Variants in AFF1 observed in about 807,000 individuals in gnomAD.
The protein encoded by AFF1 is ALF transcription elongation factor 1, also known as AF4/FMR2 family member 1.
Under a neutral mutation model 121.7 loss-of-function variants are expected in AFF1, and 48 were observed. That is an observed-to-expected ratio of 0.39 (90% confidence interval 0.31 to 0.50). AFF1 has a LOEUF of 0.50. Among genes scored for constraint, AFF1 ranks in the 20% least tolerant of loss-of-function variants. The pLI, the probability that AFF1 is intolerant of heterozygous loss-of-function variation, is 0.76. For missense variants in AFF1, 1,523 were observed against 1,511.7 expected, an observed-to-expected ratio of 1.01 and a Z score of -0.12; for synonymous variants, 613 against 563.0, an observed-to-expected ratio of 1.09 and a Z score of -1.26.
chr4:87,015,406 A>G (rs898453511), intron 2 of AFF1, among the ~76,000 whole-genome samples: 5 of 152,266 alleles, frequency 3.3e-5, no homozygotes, highest in Admixed American at 6.5e-5. Flanking sequence ...ACCTTAATAC[A>G]TAATTGAGGT....
At chr4:87,062,758 G>C (rs1720911424) in intron 4 of AFF1, among the ~76,000 whole-genome samples, 1 of 152,096 alleles carries the variant, frequency 6.6e-6, no homozygotes, top group African/African-American at 2.4e-5. Context: ...CATGTGTTCT[G>C]TAGGGTACAG....
chr4:86,967,160 G>A (rs1382230184), intron 2 of AFF1, among the ~76,000 whole-genome samples: 1 of 152,174 alleles, frequency 6.6e-6, no homozygotes, highest in Non-Finnish European at 1.5e-5. Context: ...TAGTACCTCA[G>A]CATAGATTTG....
intron 5 of AFF1, among the ~76,000 whole-genome samples, chr4:87,086,880 G>A (rs1723792050): frequency 6.6e-6 from 1 of 152,210 alleles, no homozygotes; most frequent in Non-Finnish European, 1.5e-5. Context: ...AATCATAGAA[G>A]ATAATGTTTG....
intron 1 of AFF1, among the ~76,000 whole-genome samples, chr4:86,945,025 T>C (rs546492731): frequency 3.9e-5 from 6 of 152,362 alleles, no homozygotes; most frequent in Admixed American, 3.9e-4. Flanking sequence ...ATTCCTGCCA[T>C]GGAACATTCC....
At chr4:86,987,835 C>T (rs1289948114) in intron 2 of AFF1, among the ~76,000 whole-genome samples, 1 of 151,850 alleles carries the variant, frequency 6.6e-6, no homozygotes, top group Non-Finnish European at 1.5e-5. Flanking sequence ...CGCTCGTAGT[C>T]CCAGGTACTC....
chr4:86,944,710 T>C (rs1720727447), intron 1 of AFF1, among the ~76,000 whole-genome samples: 1 of 152,136 alleles, frequency 6.6e-6, no homozygotes, highest in African/African-American at 2.4e-5. Context: ...GAGAGTAGGT[T>C]CCCCAGAGTG....
chr4:87,105,526 CCT>C lies in AFF1; in HGVS notation c.1284-95_1284-94del, dbSNP rs1039951078. 14 of 1,291,908 alleles carry C rather than the reference CCT, an allele frequency of 1.1e-5. No homozygotes were observed. In the East Asian group the frequency reaches 1.6e-4, roughly 15 times the overall value. The allele number at this position is 1,291,908 out of a possible 1,614,324, so 80.0% of individuals were successfully genotyped here. A position where few individuals can be genotyped will look rare whatever the true frequency, so the allele number is the denominator to read the frequency against. ...ATAAATAAAGAAAACTTACACATATCCTCTCTCTTTGTTTAATTAGGCATATT... is the reference window on the plus strand; with the variant it reads ...ATAAATAAAGAAAACTTACACATATCCTCTCTTTGTTTAATTAGGCATATT... On this transcript the variant is annotated intron_variant, in intron 8 of 20. Coordinates refer to ENST00000395146, the MANE Select transcript of AFF1 (RefSeq NM_001166693.3).
intron 2 of AFF1, among the ~76,000 whole-genome samples, chr4:87,019,888 G>GC (rs1553918036): frequency 2.2e-4 from 9 of 41,456 alleles, no homozygotes; most frequent in African/African-American, 4.1e-4. Flanking sequence ...AGGGGTCGGG[G>GC]GGGGGCAGTC....
At chr4:87,004,289 A>G (rs1396088241) in intron 2 of AFF1, among the ~76,000 whole-genome samples, 1 of 152,254 alleles carries the variant, frequency 6.6e-6, no homozygotes, top group African/African-American at 2.4e-5. Context: ...AGCAAATGAT[A>G]TAGAATAAGT....
At chr4:87,080,908 C>T (rs569971379) in intron 4 of AFF1, among the ~76,000 whole-genome samples, 2 of 152,270 alleles carry the variant, frequency 1.3e-5, no homozygotes, top group Non-Finnish European at 2.9e-5. Context: ...TGATCTCATA[C>T]TATGCAAACT....
rs771922547 is a variant in AFF1 at position 87,115,191 on chromosome 4, G to A, written c.2358G>A (p.Lys786=). ...LLSRIPQPPG[K]GSRQRKAEDK... ...CTCGGATACCCCAGCCTCCCGGGAA[G>A]GGGAGCCGCCAGAGGAAAGCAGAAG... The change falls in exon 12 of 21, where the codon AAG becomes AAA. Residue 786 remains lysine (K), a synonymous_variant. Coordinates refer to ENST00000395146, the MANE Select transcript of AFF1 (RefSeq NM_001166693.3). The A allele has an allele frequency of 3.1e-6, 5 of 1,614,186 alleles. No individual in the cohort carries two copies. Among genetic ancestry groups the A allele is most frequent in the Admixed American group, 1.7e-5 (1 of 60,028 alleles).
chr4:86,949,938 G>T lies in AFF1; in HGVS notation c.38+1367G>T. On this transcript the variant is annotated intron_variant, in intron 2 of 20. Transcript: ENST00000395146. ...TTCCGCGTCTTGGACCCAGCGGGCC[G>T]CAGGTCCCGCAGGGCCATGTGGATG... 6.8e-6 allele frequency: 11 copies of T among 1,614,174 alleles called. No homozygotes were observed. The South Asian group carries it at 1.2e-4, about 18-fold the overall frequency.
At position 86,991,857 on chromosome 4, in the gene AFF1, A is replaced by G. The variant is rs1332853953; in HGVS notation, c.38+43286A>G. Among the ~76,000 whole-genome samples the G allele has an allele frequency of 5.4e-5, 7 of 128,910 alleles. 1 individual carries two copies. The highest frequency in any genetic ancestry group is 2.1e-4 in the African/African-American group (7 of 33,412). 84.6% of individuals were successfully genotyped at this position (128,910 alleles called of 152,430 possible). A position where few individuals can be genotyped will look rare whatever the true frequency, so the allele number is the denominator to read the frequency against. On this transcript the variant is annotated intron_variant, in intron 2 of 20. Coordinates refer to ENST00000395146, the MANE Select transcript of AFF1 (RefSeq NM_001166693.3). ...TGCTTTTTTTTTTTTTTTTTTTTAC[A>G]TCCTTTTCCATTATTGAAATATGGT...
At chr4:87,094,991 T>C (rs1398811344) in intron 8 of AFF1, 22 bp downstream of exon 8, 43 of 1,606,480 alleles carry the variant, frequency 2.7e-5, no homozygotes, top group Non-Finnish European at 3.7e-5. Flanking sequence ...GCTTTTTGTG[T>C]ATTAAAATTT....
intron 2 of AFF1, among the ~76,000 whole-genome samples, chr4:87,045,007 C>A (rs1222085167): frequency 1.3e-5 from 2 of 152,080 alleles, no homozygotes; most frequent in Non-Finnish European, 2.9e-5. Flanking sequence ...GAACCAGGGC[C>A]TTAAATCAGG....
At chr4:87,002,539 C>T (rs923951361) in intron 2 of AFF1, among the ~76,000 whole-genome samples, 6 of 134,590 alleles carry the variant, frequency 4.5e-5, no homozygotes, top group African/African-American at 1.7e-4. Flanking sequence ...TCAAGTAATT[C>T]TTCTGCTTCT....
intron 2 of AFF1, among the ~76,000 whole-genome samples, chr4:86,977,990 A>G (rs1394420947): frequency 1.3e-5 from 2 of 152,046 alleles, no homozygotes; most frequent in Non-Finnish European, 2.9e-5. Flanking sequence ...TGTTGACTTA[A>G]TCGTGGGTGG....
intron 7 of AFF1, among the ~76,000 whole-genome samples, chr4:87,092,289 CAA>C (rs904497608): frequency 3.9e-5 from 6 of 152,066 alleles, no homozygotes; most frequent in African/African-American, 1.4e-4. Flanking sequence ...CTCAAACAAA[CAA>C]AAACCAAAAT....
At chr4:87,035,580 T>A (rs1282445294) in intron 2 of AFF1, among the ~76,000 whole-genome samples, 1 of 150,336 alleles carries the variant, frequency 6.7e-6, no homozygotes, top group Admixed American at 6.6e-5. Flanking sequence ...AAAAAAATAC[T>A]CAGGAGCTTT....
Sources: allele counts gnomAD v4.1 joint callset (sites outside exome capture counted in the v4.1 genomes callset), GRCh38; gene constraint gnomAD v4.1.1; transcripts MANE v1.5; gene names NCBI Gene and HGNC (gene_info 2026-07-23, HGNC 2026-07-21).